Variants in ASTN2 observed in about 807,000 individuals in gnomAD.
ASTN2 encodes astrotactin-2.
ASTN2 carries 54 observed loss-of-function variants against 139.8 expected under a neutral mutation model. The ratio of observed to expected loss-of-function variants is 0.39; its 90% CI spans 0.31 to 0.48. The LOEUF (loss-of-function observed/expected upper bound fraction) is 0.48, where lower values mean the gene tolerates loss of function less well. ASTN2 is among the 20% of genes least tolerant of loss of function. The pLI, the probability that ASTN2 is intolerant of heterozygous loss-of-function variation, is 0.95. For synonymous variants in ASTN2, 756 were observed against 719.5 expected (o/e 1.05, Z -0.81); for missense variants, 1,565 against 1,725.1 (o/e 0.91, Z 1.64).
At chr9:117,022,342 A>G (rs1837906679) in intron 6 of ASTN2, among the ~76,000 whole-genome samples, 1 of 152,022 alleles carries the variant, frequency 6.6e-6, no homozygotes, top group Non-Finnish European at 1.5e-5. Context: ...CCAATTCACA[A>G]CCTCTATGAG....
chr9:117,212,732 A>G (rs146665261), intron 3 of ASTN2, among the ~76,000 whole-genome samples: 141 of 152,324 alleles, frequency 9.3e-4, no homozygotes, highest in African/African-American at 3.3e-3. Context: ...AAAAACTGCA[A>G]TGAGGTATAA....
At chr9:117,224,222 A>G (rs1832625887) in intron 2 of ASTN2, among the ~76,000 whole-genome samples, 2 of 152,218 alleles carry the variant, frequency 1.3e-5, no homozygotes, top group African/African-American at 2.4e-5. Context: ...TTTGACTTAT[A>G]TGGCTTTGGA....
At chr9:116,923,541 CAA>C (rs1247188492) in intron 10 of ASTN2, among the ~76,000 whole-genome samples, 1 of 152,194 alleles carries the variant, frequency 6.6e-6, no homozygotes, top group Non-Finnish European at 1.5e-5. Context: ...GATAGCTATA[CAA>C]AACTATTTTG....
At chr9:117,060,342 G>GAA (rs1839212621) in intron 5 of ASTN2, among the ~76,000 whole-genome samples, 8 of 66,442 alleles carry the variant, frequency 1.2e-4, no homozygotes, top group African/African-American at 5.2e-4. Flanking sequence ...AAGAAAGAAA[G>GAA]AGAGAAAGAA....
At chr9:116,594,797 T>C (rs756499937) in intron 19 of ASTN2, among the ~76,000 whole-genome samples, 2 of 152,176 alleles carry the variant, frequency 1.3e-5, no homozygotes, top group Non-Finnish European at 2.9e-5. Flanking sequence ...GCTCAGGATA[T>C]GACCTGGCTC....
intron 9 of ASTN2, 52 bp downstream of exon 9, chr9:116,976,062 C>T: frequency 1.3e-6 from 2 of 1,547,362 alleles, no homozygotes; most frequent in African/African-American, 2.7e-5. Context: ...ATCTTCCTAT[C>T]AGTCCTTTCT....
intron 4 of ASTN2, among the ~76,000 whole-genome samples, chr9:117,116,051 T>C (rs1159530341): frequency 6.6e-6 from 1 of 150,868 alleles, no homozygotes; most frequent in Non-Finnish European, 1.5e-5. Flanking sequence ...TATATATATA[T>C]ATTGCTCCCA....
In ASTN2 at chr9:116,680,169, C is replaced by T. The variant is rs533614997; in HGVS notation, c.2807-28376G>A. ...AAAAGAGAGAAGAATCAAATAGACG[C>T]AATAAAAAATGATAAAGGGGATATC... On this transcript the variant is annotated intron_variant, in intron 16 of 22. Coordinates refer to ENST00000313400, the MANE Select transcript of ASTN2 (RefSeq NM_001365068.1). Among the ~76,000 whole-genome samples, 110 of 152,048 alleles carry T rather than the reference C, an allele frequency of 7.2e-4. 1 individual carries two copies. The South Asian group carries it at 9.3e-3, about 13-fold the overall frequency.
At chr9:117,291,620 G>A in intron 1 of ASTN2, 107 bp from the exon 2 acceptor site, 1 of 979,208 alleles carries the variant, frequency 1.0e-6, no homozygotes, top group Admixed American at 2.9e-5. Flanking sequence ...TCCATTTTTT[G>A]CCAGGATACC....
At chr9:116,966,844 A>C (rs1217271898) in intron 10 of ASTN2, among the ~76,000 whole-genome samples, 1 of 152,096 alleles carries the variant, frequency 6.6e-6, no homozygotes, top group Non-Finnish European at 1.5e-5. Flanking sequence ...AAGAACACAC[A>C]CACTTAATAG....
chr9:116,847,022 A>C lies in ASTN2; in HGVS notation c.2040+16561T>G, dbSNP rs1431137176. ...GCTTCATTCTCAAAAAAAAAAAAAA[A>C]AAAACAAAAAACAAAAAACAAAAAA... On this transcript the variant is annotated intron_variant, in intron 11 of 22. Transcript: ENST00000313400. 5.8e-5 allele frequency among the ~76,000 whole-genome samples: 7 copies of C among 120,694 alleles called. No homozygotes were observed. The South Asian group carries it at 8.0e-4, about 14-fold the overall frequency. The allele number at this position is 120,694 out of a possible 152,430, so 79.2% of individuals were successfully genotyped here.
intron 19 of ASTN2, among the ~76,000 whole-genome samples, chr9:116,489,595 T>G (rs1022895985): frequency 2.6e-5 from 4 of 152,154 alleles, no homozygotes; most frequent in Non-Finnish European, 5.9e-5. Context: ...GCTGAGATTA[T>G]AGGCATGAGT....
chr9:116,976,079 C>G (rs756189932), intron 9 of ASTN2, 35 bp downstream of exon 9: 3 of 1,601,194 alleles, frequency 1.9e-6, no homozygotes, highest in Admixed American at 1.7e-5. Context: ...TTCTCCATTT[C>G]CCAGAATTAT....
rs114597839 is a variant in ASTN2 at position 116,697,371 on chromosome 9, A to G, written c.2806+28400T>C. 1,443 of 289,224 alleles carry G rather than the reference A, an allele frequency of 5.0e-3. 22 individuals carry two copies. Among genetic ancestry groups the G allele is most frequent in the African/African-American group, 0.03 (1,380 of 46,458 alleles). 17.9% of individuals were successfully genotyped at this position (289,224 alleles called of 1,614,324 possible). ...GACACCATTATTACTTCTATTTTAC[A>G]GATGAGTGATGGGGAAAGAGCTTTT... On this transcript the variant is annotated intron_variant, in intron 16 of 22. Transcript: ENST00000313400.
At chr9:116,963,124 C>T (rs761873491) in intron 10 of ASTN2, among the ~76,000 whole-genome samples, 8 of 152,174 alleles carry the variant, frequency 5.3e-5, no homozygotes, top group Non-Finnish European at 1.2e-4. Flanking sequence ...TGCCCTGACC[C>T]TTACATCTGG....
intron 4 of ASTN2, among the ~76,000 whole-genome samples, chr9:117,114,510 C>T (rs1829329951): frequency 6.6e-6 from 1 of 152,302 alleles, no homozygotes; most frequent in African/African-American, 2.4e-5. Flanking sequence ...ATTCAAAATT[C>T]ATGTTATATA....
chr9:116,683,572 A>G (rs905798508), intron 16 of ASTN2, among the ~76,000 whole-genome samples: 1 of 152,206 alleles, frequency 6.6e-6, no homozygotes, highest in East Asian at 1.9e-4. Context: ...TTATTGGAAT[A>G]GAGGAAAAAA....
rs948003568 is a variant in ASTN2 at position 117,012,846 on chromosome 9, C to T, written c.1424-4587G>A. ...TGCAAGGCACTCCACTCAAGTAGCA[C>T]CTATATGTGCTGTGCTAGAGTGTCA... On this transcript the variant is annotated intron_variant, in intron 6 of 22. Transcript: ENST00000313400. Among the ~76,000 whole-genome samples the T allele has an allele frequency of 2.0e-5, 3 of 152,322 alleles. No homozygotes were observed. In the South Asian group the frequency reaches 6.2e-4, roughly 32 times the overall value.
chr9:117,127,909 T>C (rs917777215), intron 4 of ASTN2, among the ~76,000 whole-genome samples: 5 of 152,026 alleles, frequency 3.3e-5, no homozygotes, highest in Admixed American at 1.3e-4. Flanking sequence ...CTCCATCTCC[T>C]GACCTCGTGA....
Sources: gnomAD v4.1 joint callset for allele counts (sites outside exome capture counted in the v4.1 genomes callset) on GRCh38, gnomAD v4.1.1 for gene constraint, MANE v1.5 for transcripts, NCBI Gene and HGNC (gene_info 2026-07-23, HGNC 2026-07-21) for gene names.